PDE3A: variants seen among roughly 807,000 people sequenced by gnomAD.
PDE3A encodes cGMP-inhibited 3',5'-cyclic phosphodiesterase 3A.
A neutral mutation model predicts 98.3 loss-of-function variants in PDE3A; 43 were observed. The ratio of observed to expected loss-of-function variants is 0.44; its 90% confidence interval spans 0.34 to 0.56. The LOEUF (loss-of-function observed/expected upper bound fraction) is 0.56. PDE3A is among the 20% of genes least tolerant of loss of function. The probability of loss-of-function intolerance (pLI) is 0.01; values close to 1 mark genes in which losing one functional copy is unlikely to be tolerated. For synonymous variants in PDE3A, 663 were observed against 567.9 expected (o/e 1.17, Z -2.38); for missense variants, 1,427 against 1,440.7 (o/e 0.99, Z 0.15).
chr12:20,668,613 C>G (rs1248279492), intron 15 of PDE3A, among the ~76,000 whole-genome samples: 2 of 152,110 alleles, frequency 1.3e-5, no homozygotes, highest in Admixed American at 1.3e-4. Flanking sequence ...TGGCAGGGTA[C>G]TCCAACAGAC....
At chr12:20,462,596 A>G (rs1354961447) in intron 1 of PDE3A, among the ~76,000 whole-genome samples, 2 of 152,158 alleles carry the variant, frequency 1.3e-5, no homozygotes, top group Non-Finnish European at 2.9e-5. Flanking sequence ...GTGGCCGTAT[A>G]GATAATTCTG....
chr12:20,552,112 C>T lies in PDE3A; in HGVS notation c.961-4548C>T. The T allele has an allele frequency of 1.2e-6, 2 of 1,613,278 alleles. No homozygotes were observed. The highest frequency in any genetic ancestry group is 1.1e-5 in the South Asian group (1 of 91,044). On this transcript the variant is annotated intron_variant, in intron 1 of 15. Transcript: ENST00000359062. The surrounding 1 kb of genome is among the most constrained non-coding windows in gnomAD (Gnocchi z 5.1). The stretch of plus-strand genomic sequence containing the variant: ...TTCCGGCAACAAGAGGACCGCGGAA[C>T]AGTCTTGTGATCAGAAACTCACCAA...
At chr12:20,600,669 T>C (rs1007700109) in intron 2 of PDE3A, among the ~76,000 whole-genome samples, 9 of 152,220 alleles carry the variant, frequency 5.9e-5, no homozygotes, top group African/African-American at 2.2e-4. Flanking sequence ...GATTGCTTTT[T>C]GTGTCAGTAC....
Position 20,459,658 on chromosome 12 carries a change from A to G in PDE3A, c.960+89414A>G, listed in dbSNP as rs181441499. On this transcript the variant is annotated intron_variant, in intron 1 of 15. Transcript: ENST00000359062. ...TCATACATATACATTCAAAGGTTTC[A>G]TAGCATTAATCTGAAATATATACTT... Among the ~76,000 whole-genome samples, 342 of 152,320 alleles carry G rather than the reference A, an allele frequency of 2.2e-3. 1 individual carries two copies. The highest frequency in any genetic ancestry group is 3.6e-3 in the Non-Finnish European group (242 of 68,024).
intron 15 of PDE3A, among the ~76,000 whole-genome samples, chr12:20,671,226 G>T (rs2120423051): frequency 6.7e-6 from 1 of 148,484 alleles, no homozygotes; most frequent in South Asian, 2.1e-4. Flanking sequence ...CAACAAAAAA[G>T]AGTCCAGGAC....
chr12:20,616,757 A>G (rs1944017956), intron 4 of PDE3A, among the ~76,000 whole-genome samples: 1 of 152,160 alleles, frequency 6.6e-6, no homozygotes, highest in African/African-American at 2.4e-5. Flanking sequence ...GAGATCCCCC[A>G]GCCCAGTCAT....
intron 4 of PDE3A, among the ~76,000 whole-genome samples, chr12:20,620,420 T>C (rs915803450): frequency 6.6e-6 from 1 of 152,032 alleles, no homozygotes; most frequent in Non-Finnish European, 1.5e-5. Flanking sequence ...CAGTCCAAGA[T>C]TGTCAACACA....
chr12:20,648,597 T>C (rs973537280), intron 12 of PDE3A, 91 bp from the exon 13 acceptor site: 8 of 825,162 alleles, frequency 9.7e-6, no homozygotes, highest in Admixed American at 9.0e-5. Context: ...GTTGTATGAA[T>C]AAAAAGCAAT....
chr12:20,542,926 C>G (rs967632331), intron 1 of PDE3A, among the ~76,000 whole-genome samples: 2 of 151,986 alleles, frequency 1.3e-5, no homozygotes, highest in African/African-American at 4.8e-5. Context: ...ATGATCCAGT[C>G]ATAAAACAAC....
intron 1 of PDE3A, among the ~76,000 whole-genome samples, chr12:20,376,195 G>T (rs1423690163): frequency 6.6e-6 from 1 of 151,822 alleles, no homozygotes; most frequent in Non-Finnish European, 1.5e-5. Context: ...TATTTTAAAT[G>T]CTTAATTCTG....
At chr12:20,604,279 G>C (rs1304319447) in intron 2 of PDE3A, among the ~76,000 whole-genome samples, 1 of 152,100 alleles carries the variant, frequency 6.6e-6, no homozygotes, top group East Asian at 1.9e-4. Flanking sequence ...AAAAATCTTA[G>C]CAGATCTGAA....
At chr12:20,431,135 A>G (rs921013154) in intron 1 of PDE3A, among the ~76,000 whole-genome samples, 1 of 152,168 alleles carries the variant, frequency 6.6e-6, no homozygotes, top group African/African-American at 2.4e-5. Flanking sequence ...TCAAGTTTAC[A>G]TATTTATGTG....
chr12:20,511,158 A>G (rs375757889), intron 1 of PDE3A, among the ~76,000 whole-genome samples: 2 of 152,072 alleles, frequency 1.3e-5, no homozygotes, highest in East Asian at 1.9e-4. Context: ...AAAAGGCTTC[A>G]TGTTGATACA....
chr12:20,388,382 G>A (rs1209662113), intron 1 of PDE3A, among the ~76,000 whole-genome samples: 1 of 151,918 alleles, frequency 6.6e-6, no homozygotes, highest in East Asian at 1.9e-4. Flanking sequence ...TGAAGGTAGC[G>A]CTTTATGAAA....
chr12:20,469,068 T>C (rs1485997330), intron 1 of PDE3A, among the ~76,000 whole-genome samples: 1 of 152,188 alleles, frequency 6.6e-6, no homozygotes, highest in African/African-American at 2.4e-5. Context: ...AGTGATAGTA[T>C]GCTTGAGAAT....
intron 1 of PDE3A, among the ~76,000 whole-genome samples, chr12:20,388,745 T>C (rs1027297604): frequency 2.6e-5 from 4 of 152,072 alleles, no homozygotes; most frequent in African/African-American, 9.7e-5. Context: ...GTATATAATA[T>C]TGATTAACTT....
chr12:20,506,348 T>C (rs1313047456), intron 1 of PDE3A, among the ~76,000 whole-genome samples: 1 of 152,054 alleles, frequency 6.6e-6, no homozygotes, highest in Non-Finnish European at 1.5e-5. Context: ...ATACACACAG[T>C]ATTTCATTCC....
At chr12:20,476,748 T>C (rs147899344) in intron 1 of PDE3A, among the ~76,000 whole-genome samples, 116 of 152,314 alleles carry the variant, frequency 7.6e-4, no homozygotes, top group African/African-American at 2.8e-3. Context: ...GGGGTTTAGA[T>C]GGAAAGGCCT....
chr12:20,491,073 T>A (rs1192889407), intron 1 of PDE3A, among the ~76,000 whole-genome samples: 1 of 152,192 alleles, frequency 6.6e-6, no homozygotes, highest in Admixed American at 6.5e-5. Flanking sequence ...AGAGTGAGCC[T>A]GACTCAAAAA....
Sources: allele counts gnomAD v4.1 joint callset (sites outside exome capture counted in the v4.1 genomes callset), GRCh38; gene constraint gnomAD v4.1.1; non-coding constraint Gnocchi (gnomAD v3.1); transcripts MANE v1.5; gene names NCBI Gene and HGNC (gene_info 2026-07-23, HGNC 2026-07-21).